GNAI3: variants seen among roughly 807,000 people sequenced by gnomAD.
GNAI3 encodes the protein guanine nucleotide-binding protein G(i) subunit alpha-3.
GNAI3 carries 12 observed loss-of-function variants against 41.8 expected under a neutral mutation model. The observed-to-expected ratio is 0.29, with a 90% CI of 0.18 to 0.47. The LOEUF is 0.47. GNAI3 is among the 20% of genes least tolerant of loss of function. GNAI3 has a pLI of 1.00. For missense variants in GNAI3, 360 were observed against 429.6 expected, an observed-to-expected ratio of 0.84 and a Z score of 1.43; for synonymous variants, 132 against 146.5, an observed-to-expected ratio of 0.90 and a Z score of 0.71.
intron 5 of GNAI3, among the ~76,000 whole-genome samples, chr1:109,583,747 A>ATTTTTTTTTTTTTTTTTTTT (rs35202006): frequency 7.3e-6 from 1 of 137,322 alleles, no homozygotes; most frequent in Non-Finnish European, 1.6e-5. Flanking sequence ...CGCCCGGCTA[A>ATTTTTTTTTTTTTTTTTTTT]TTTTTTTTTT....
At chr1:109,549,334 G>A (rs1007892623) in intron 1 of GNAI3, among the ~76,000 whole-genome samples, 3 of 152,174 alleles carry the variant, frequency 2.0e-5, no homozygotes, top group African/African-American at 4.8e-5. Context: ...ACATAAGGAC[G>A]TTGACATTTG....
At chr1:109,575,417 T>C (rs1648710605) in intron 3 of GNAI3, among the ~76,000 whole-genome samples, 1 of 152,058 alleles carries the variant, frequency 6.6e-6, no homozygotes, top group Non-Finnish European at 1.5e-5. Flanking sequence ...CTTCTCTCTG[T>C]TGGTTTTTTC....
rs1649029320 is a variant in GNAI3, at chr1:109,586,222, T to A, written c.597T>A (p.Phe199Leu). 3 of 1,613,218 alleles carry A rather than the reference T, an allele frequency of 1.9e-6. No individual in the cohort carries two copies. The highest frequency in any genetic ancestry group is 2.5e-6 in the Non-Finnish European group (3 of 1,179,548). ...TTTCTTTCCCCTTGCGCAGGATGTT[T>A]GATGTAGGTGGCCAAAGATCAGAAC... The part of the protein sequence containing the change: ...FTFKDLYFKM[F>L]DVGGQRSERK... The change falls in exon 6 of 9, where the codon TTT becomes TTA. Residue 199 changes from phenylalanine (F) to leucine (L), a missense_variant. Transcript: ENST00000369851.
chr1:109,593,975 C>T lies in GNAI3; in HGVS notation c.*1653C>T, dbSNP rs1285902344. The T allele has an allele frequency of 2.0e-5, 3 of 152,414 alleles. No homozygotes were observed. Among genetic ancestry groups the T allele is most frequent in the Admixed American group, 2.0e-4 (3 of 15,256 alleles). The allele number at this position is 152,414 out of a possible 1,614,324, so 9.4% of individuals were successfully genotyped here. A position where few individuals can be genotyped will look rare whatever the true frequency, so the allele number is the denominator to read the frequency against. ...TTACAAAAAAAAGGTTGGTGGTCAA[C>T]AAAAAAAGCAAGTCATAGCAGTTCA... On this transcript the variant is annotated 3_prime_UTR_variant, in exon 9 of 9. Transcript: ENST00000369851.
chr1:109,586,956 C>T, intron 7 of GNAI3, 74 bp downstream of exon 7: 1 of 995,204 alleles, frequency 1.0e-6, no homozygotes, highest in South Asian at 1.4e-5. Flanking sequence ...ATTCATAAAA[C>T]TGCCTTTTTT....
chr1:109,579,242 T>C lies in GNAI3; in HGVS notation c.342T>C (p.Ala114=), dbSNP rs750739022. ...AATTATTTGTTTTAGCTGGCAGTGC[T>C]GAAGAAGGAGTCATGACTCCAGAAC... is the stretch of plus-strand genomic sequence containing the variant. ...ARQLFVLAGS[A]EEGVMTPELA... The change falls in exon 4 of 9, where the codon GCT becomes GCC. Residue 114 remains alanine (A), a synonymous_variant. Transcript: ENST00000369851. 7 of 1,613,354 alleles carry C rather than the reference T, an allele frequency of 4.3e-6. No homozygotes were observed. The highest frequency in any genetic ancestry group is 5.9e-6 in the Non-Finnish European group (7 of 1,179,530).
intron 7 of GNAI3, among the ~76,000 whole-genome samples, chr1:109,589,871 T>A (rs1649126314): frequency 6.6e-6 from 1 of 152,144 alleles, no homozygotes; most frequent in South Asian, 2.1e-4. Context: ...GTTGAAAAAG[T>A]TTTGTCACTA....
intron 1 of GNAI3, among the ~76,000 whole-genome samples, chr1:109,554,150 G>A (rs1236863524): frequency 2.0e-5 from 3 of 151,958 alleles, no homozygotes; most frequent in African/African-American, 4.8e-5. Context: ...ATTTGGGCTG[G>A]TTCCATATTT....
intron 1 of GNAI3, among the ~76,000 whole-genome samples, chr1:109,567,879 G>A (rs1250603499): frequency 6.6e-6 from 1 of 151,904 alleles, no homozygotes. Context: ...TGAAGGCACA[G>A]AAATAGAAAT....
At chr1:109,572,241 C>T (rs1488903285) in intron 1 of GNAI3, among the ~76,000 whole-genome samples, 4 of 152,088 alleles carry the variant, frequency 2.6e-5, no homozygotes, top group Admixed American at 6.5e-5. Context: ...ACCTGGGAGG[C>T]GGAGGTTGCG....
intron 4 of GNAI3, 97 bp from the exon 5 acceptor site, chr1:109,582,340 C>CTAG: frequency 1.2e-6 from 1 of 843,010 alleles, no homozygotes; most frequent in Non-Finnish European, 1.9e-6. Context: ...CACTTAATAA[C>CTAG]TAGTAACAGG....
At chr1:109,575,678 C>T (rs1218879838) in intron 3 of GNAI3, among the ~76,000 whole-genome samples, 4 of 151,334 alleles carry the variant, frequency 2.6e-5, no homozygotes, top group Admixed American at 6.6e-5. Context: ...ATTACAGGCG[C>T]TCACCTCCAC....
chr1:109,580,486 G>T (rs1356583356), intron 4 of GNAI3, among the ~76,000 whole-genome samples: 2 of 152,120 alleles, frequency 1.3e-5, no homozygotes, highest in African/African-American at 4.8e-5. Context: ...ATATAGTCAG[G>T]CTGTGCATAA....
chr1:109,583,737 C>T (rs890397435), intron 5 of GNAI3, among the ~76,000 whole-genome samples: 3 of 150,018 alleles, frequency 2.0e-5, no homozygotes, highest in East Asian at 3.9e-4. Flanking sequence ...CGTTGCACCA[C>T]GCCCGGCTAA....
At chr1:109,574,156 A>G in intron 3 of GNAI3, 119 bp downstream of exon 3, 1 of 677,302 alleles carries the variant, frequency 1.5e-6, no homozygotes. Context: ...AAATGTAGCA[A>G]AGTACTTTGT....
intron 1 of GNAI3, among the ~76,000 whole-genome samples, chr1:109,549,882 A>G (rs1046884792): frequency 1.3e-5 from 2 of 152,176 alleles, no homozygotes; most frequent in Non-Finnish European, 2.9e-5. Context: ...AAAATTTTTG[A>G]GAGGCTCAGT....
intron 3 of GNAI3, among the ~76,000 whole-genome samples, chr1:109,576,683 T>C (rs1648755611): frequency 6.6e-6 from 1 of 152,000 alleles, no homozygotes; most frequent in Non-Finnish European, 1.5e-5. Context: ...CATGCCCGCC[T>C]AATTTTTTTG....
intron 3 of GNAI3, among the ~76,000 whole-genome samples, chr1:109,574,556 G>T (rs1174715161): frequency 1.3e-5 from 2 of 152,072 alleles, no homozygotes; most frequent in African/African-American, 4.8e-5. Flanking sequence ...ACATGCCCTA[G>T]TATAATTCTT....
intron 1 of GNAI3, among the ~76,000 whole-genome samples, chr1:109,555,963 C>CATGCGTGT (rs1648131198): frequency 2.1e-5 from 3 of 144,534 alleles, no homozygotes; most frequent in African/African-American, 7.8e-5. Context: ...TGCGTGCGTG[C>CATGCGTGT]GTGTGTGTGT....
Sources: allele counts gnomAD v4.1 joint callset (sites outside exome capture counted in the v4.1 genomes callset), GRCh38; gene constraint gnomAD v4.1.1; transcripts MANE v1.5; gene names NCBI Gene and HGNC (gene_info 2026-07-23, HGNC 2026-07-21).